BCAS3: variants seen among roughly 807,000 people sequenced by gnomAD.
BCAS3 encodes BCAS4/BCAS3 fusion.
Under a neutral mutation model 116.1 loss-of-function variants are expected in BCAS3, and 53 were observed. The ratio of observed to expected loss-of-function variants is 0.46; its 90% CI spans 0.37 to 0.57. The LOEUF (loss-of-function observed/expected upper bound fraction) is 0.57. Among genes scored for constraint, BCAS3 ranks in the 20% least tolerant of loss-of-function variants. The pLI, the probability that BCAS3 is intolerant of heterozygous loss-of-function variation, is 0.00. For missense variants in BCAS3, 917 were observed against 1,165.4 expected, an observed-to-expected ratio of 0.79 and a Z score of 3.10; for synonymous variants, 391 against 408.2, an observed-to-expected ratio of 0.96 and a Z score of 0.51.
intron 22 of BCAS3, among the ~76,000 whole-genome samples, chr17:61,172,812 A>G (rs562254629): frequency 0.015 from 2,229 of 151,386 alleles, 88 homozygotes; most frequent in East Asian, 0.14. Flanking sequence ...GGTGAAACCC[A>G]TCTCTACTAA....
chr17:60,867,112 T>C (rs991086856), intron 7 of BCAS3, among the ~76,000 whole-genome samples: 4 of 146,506 alleles, frequency 2.7e-5, no homozygotes, highest in Non-Finnish European at 4.4e-5. Flanking sequence ...TTTTTTGTTT[T>C]TGTTTTTTTT....
intron 7 of BCAS3, among the ~76,000 whole-genome samples, chr17:60,843,342 G>A (rs376336434): frequency 5.2e-4 from 78 of 151,436 alleles, no homozygotes; most frequent in African/African-American, 1.9e-3. Flanking sequence ...TCAGCCTCCC[G>A]AGTAGCTGGG....
rs1204416680 is a variant in BCAS3 at position 61,084,927 on chromosome 17, C to G, written c.2425+363C>G. Among the ~76,000 whole-genome samples, 1 of 152,182 alleles carries G rather than the reference C, an allele frequency of 6.6e-6. No individual in the cohort carries two copies. Among genetic ancestry groups the G allele is most frequent in the Non-Finnish European group, 1.5e-5 (1 of 68,040 alleles). On this transcript the variant is annotated intron_variant, in intron 22 of 23. Transcript: ENST00000407086. The surrounding 1 kb of genome is among the most constrained non-coding windows in gnomAD (Gnocchi z 5.5). ...TCAATTTACTCAACCTGTTGAGTATCAAAGTGCCTAATCTGTGGGAGTAGA... is the reference window on the plus strand; with the variant it reads ...TCAATTTACTCAACCTGTTGAGTATGAAAGTGCCTAATCTGTGGGAGTAGA...
intron 6 of BCAS3, among the ~76,000 whole-genome samples, chr17:60,797,533 T>TTTAC (rs1284570131): frequency 6.6e-6 from 1 of 152,006 alleles, no homozygotes; most frequent in Non-Finnish European, 1.5e-5. Flanking sequence ...TATTTATTTA[T>TTTAC]TTACTTTTAA....
At chr17:61,110,557 C>T (rs920561118) in intron 22 of BCAS3, among the ~76,000 whole-genome samples, 2 of 146,794 alleles carry the variant, frequency 1.4e-5, no homozygotes, top group African/African-American at 5.1e-5. Flanking sequence ...CGGCGCACCA[C>T]GAGATTATAT....
In BCAS3 at chr17:61,278,340, T is replaced by A. The variant is rs115496532; in HGVS notation, c.2426-89987T>A. ...ACAGGCATGAGCCACCGTTCCCAGA[T>A]AATTTTTGTGTTTTTTGTAGAGACA... is the stretch of plus-strand genomic sequence containing the variant. On this transcript the variant is annotated intron_variant, in intron 22 of 23. Coordinates refer to ENST00000407086, the MANE Select transcript of BCAS3 (RefSeq NM_017679.5). The surrounding 1 kb of genome is among the most constrained non-coding windows in gnomAD (Gnocchi z 5.8). Among the ~76,000 whole-genome samples, 74 of 152,200 alleles carry A rather than the reference T, an allele frequency of 4.9e-4. No homozygotes were observed. Among genetic ancestry groups the A allele is most frequent in the African/African-American group, 1.4e-3 (60 of 41,522 alleles).
At chr17:60,891,619 G>T (rs2057154733) in intron 10 of BCAS3, 2 of 450,148 alleles carry the variant, frequency 4.4e-6, no homozygotes, top group Non-Finnish European at 8.9e-6. Flanking sequence ...CAGTGAAAAT[G>T]CTCTTTGACT....
At chr17:61,197,923 C>T (rs572290546) in intron 22 of BCAS3, among the ~76,000 whole-genome samples, 14 of 152,262 alleles carry the variant, frequency 9.2e-5, no homozygotes, top group Middle Eastern at 3.4e-3. Flanking sequence ...TGGTTTTGGT[C>T]ATTTCCATAG....
At position 61,235,196 on chromosome 17, in the gene BCAS3, C is replaced by A. The variant is rs111943956; in HGVS notation, c.2426-133131C>A. 3.7e-3 allele frequency among the ~76,000 whole-genome samples: 563 copies of A among 152,246 alleles called. 4 individuals carry two copies. The highest frequency in any genetic ancestry group is 0.013 in the African/African-American group (540 of 41,554). ...ACCACCACGCCTGGCTGTCTGCCCC[C>A]CGCCTGTCCTAAGCACTTTAAATGT... On this transcript the variant is annotated intron_variant, in intron 22 of 23. Coordinates refer to ENST00000407086, the MANE Select transcript of BCAS3 (RefSeq NM_017679.5). The surrounding 1 kb of genome is among the most constrained non-coding windows in gnomAD (Gnocchi z 5.0).
intron 4 of BCAS3, among the ~76,000 whole-genome samples, chr17:60,693,082 GC>G (rs1370847132): frequency 6.6e-6 from 1 of 151,708 alleles, no homozygotes; most frequent in African/African-American, 2.4e-5. Flanking sequence ...CACCATGTTG[GC>G]CAGGCTGATC....
At chr17:61,102,347 G>C (rs954900517) in intron 22 of BCAS3, among the ~76,000 whole-genome samples, 2 of 152,042 alleles carry the variant, frequency 1.3e-5, no homozygotes, top group Non-Finnish European at 2.9e-5. Flanking sequence ...TTTCTCTCCT[G>C]TATGCATATT....
intron 6 of BCAS3, among the ~76,000 whole-genome samples, chr17:60,804,484 A>G (rs1432549072): frequency 6.6e-6 from 1 of 152,098 alleles, no homozygotes; most frequent in East Asian, 1.9e-4. Flanking sequence ...AAAGAAAAAC[A>G]AGAACACACA....
At chr17:61,319,082 C>T (rs1417574670) in intron 22 of BCAS3, among the ~76,000 whole-genome samples, 1 of 152,188 alleles carries the variant, frequency 6.6e-6, no homozygotes. Context: ...AAAGCCCTTC[C>T]ACTTCCAAAT....
chr17:61,046,265 C>T (rs1410998530), intron 19 of BCAS3, among the ~76,000 whole-genome samples: 1 of 144,914 alleles, frequency 6.9e-6, no homozygotes, highest in East Asian at 2.0e-4. Context: ...GGATATTATA[C>T]CTTTTAAAAC....
intron 7 of BCAS3, chr17:60,811,119 C>T: frequency 1.6e-6 from 1 of 631,494 alleles, no homozygotes; most frequent in Admixed American, 2.1e-5. Context: ...ATCTGAAGGC[C>T]AGCTTGCAGA....
chr17:61,335,389 G>A (rs916912196), intron 22 of BCAS3, among the ~76,000 whole-genome samples: 2 of 152,210 alleles, frequency 1.3e-5, no homozygotes, highest in African/African-American at 2.4e-5. Context: ...TTTTCTGCCT[G>A]TTGGGTCTCA....
chr17:60,909,522 T>C (rs2058375713), intron 11 of BCAS3, among the ~76,000 whole-genome samples: 1 of 152,124 alleles, frequency 6.6e-6, no homozygotes, highest in Admixed American at 6.5e-5. Flanking sequence ...TGTACCTATA[T>C]TATTTAAAAT....
At position 60,937,230 on chromosome 17, in the gene BCAS3, C is replaced by T. The variant is rs556291476; in HGVS notation, c.1088-9989C>T. On this transcript the variant is annotated intron_variant, in intron 13 of 23. Coordinates refer to ENST00000407086, the MANE Select transcript of BCAS3 (RefSeq NM_017679.5). ...CTTTTTTTTACCCCTCACCATATATCTGTTTTTTTTTTATATATCCTTCTC... is the reference window on the plus strand; with the variant it reads ...CTTTTTTTTACCCCTCACCATATATTTGTTTTTTTTTTATATATCCTTCTC... 1.3e-3 allele frequency among the ~76,000 whole-genome samples: 196 copies of T among 151,312 alleles called. 1 individual carries two copies. Among genetic ancestry groups the T allele is most frequent in the Admixed American group, 3.2e-3 (49 of 15,172 alleles).
At position 61,332,830 on chromosome 17, in the gene BCAS3, G is replaced by T. The variant is rs918926022; in HGVS notation, c.2426-35497G>T. On this transcript the variant is annotated intron_variant, in intron 22 of 23. Transcript: ENST00000407086. This position sits in a 1 kb window ranked among gnomAD's most constrained non-coding sequence, Gnocchi z 5.4. Reference sequence around the variant, plus strand: ...GGGGTTTCACCATGTTAGCCAGGCTGGTCTCAAACTCCTGACCTCAGGTGA... The same window carrying T: ...GGGGTTTCACCATGTTAGCCAGGCTTGTCTCAAACTCCTGACCTCAGGTGA... Among the ~76,000 whole-genome samples the T allele has an allele frequency of 6.6e-6, 1 of 152,136 alleles. No homozygotes were observed. The highest frequency in any genetic ancestry group is 2.4e-5 in the African/African-American group (1 of 41,440).
Sources: allele counts gnomAD v4.1 joint callset (sites outside exome capture counted in the v4.1 genomes callset), GRCh38; gene constraint gnomAD v4.1.1; non-coding constraint Gnocchi (gnomAD v3.1); transcripts MANE v1.5; gene names NCBI Gene and HGNC (gene_info 2026-07-23, HGNC 2026-07-21).